The following UGT1A8 variants were observed in gnomAD, a reference collection of about 807,000 sequenced individuals.
The protein encoded by UGT1A8 is UDP-glucuronosyltransferase 1A8.
In UGT1A8, 39 loss-of-function variants were observed where a neutral mutation model predicts 45.3. The ratio of observed to expected loss-of-function variants is 0.86; its 90% confidence interval spans 0.67 to 1.12. The LOEUF is 1.12. UGT1A8 is among the 50% of genes most tolerant of loss of function. The pLI is 0.00. For missense variants in UGT1A8, 719 were observed against 664.9 expected, an observed-to-expected ratio of 1.08 and a Z score of -0.90; for synonymous variants, 275 against 249.2, an observed-to-expected ratio of 1.10 and a Z score of -0.97.
chr2:233,662,167 TGTAA>T (rs1246091516), intron 1 of UGT1A8, among the ~76,000 whole-genome samples: 1 of 152,210 alleles, frequency 6.6e-6, no homozygotes, highest in African/African-American at 2.4e-5. Context: ...ATGTATAGTC[TGTAA>T]GTGTTTGTGT....
At chr2:233,719,463 C>T (rs778257140) in intron 1 of UGT1A8, 5 of 1,613,980 alleles carry the variant, frequency 3.1e-6, no homozygotes, top group South Asian at 1.1e-5. Context: ...CAAGAACATG[C>T]TCTACCCTCT....
chr2:233,645,910 TG>T (rs1247050869), intron 1 of UGT1A8, among the ~76,000 whole-genome samples: 1 of 152,254 alleles, frequency 6.6e-6, no homozygotes, highest in South Asian at 2.1e-4. Context: ...TTGCTCTGTT[TG>T]GGGGCTTCAA....
At chr2:233,640,758 G>T (rs1390753063) in intron 1 of UGT1A8, among the ~76,000 whole-genome samples, 1 of 152,124 alleles carries the variant, frequency 6.6e-6, no homozygotes, top group African/African-American at 2.4e-5. Context: ...ACAATCTTAG[G>T]TAGGGCCAAC....
At chr2:233,648,756 A>T in intron 1 of UGT1A8, 1 of 684,374 alleles carries the variant, frequency 1.5e-6, no homozygotes, top group Non-Finnish European at 2.3e-6. Flanking sequence ...GAGCCACCAC[A>T]CCCAGCCTGG....
intron 1 of UGT1A8, among the ~76,000 whole-genome samples, chr2:233,766,262 CCCGGG>C (rs2126023646): frequency 2.9e-5 from 2 of 68,082 alleles, no homozygotes; most frequent in East Asian, 5.0e-4. Flanking sequence ...CGCTCAGTGG[CCCGGG>C]CTCGGTGGCC....
rs563709972 is a variant in UGT1A8, at chr2:233,755,474, T to C, written c.856-11560T>C. On this transcript the variant is annotated intron_variant, in intron 1 of 4. Coordinates refer to ENST00000373450, the MANE Select transcript of UGT1A8 (RefSeq NM_019076.5). ...GGACTGGCCCTGCTCTCTGTGAGGCTCTGTGAGGCCCTGTGATGCTCCAAG... is the reference window on the plus strand; with the variant it reads ...GGACTGGCCCTGCTCTCTGTGAGGCCCTGTGAGGCCCTGTGATGCTCCAAG... 5.5e-5 allele frequency: 13 copies of C among 237,114 alleles called. 1 individual carries two copies. The South Asian group carries it at 7.1e-4, about 13-fold the overall frequency. The allele number at this position is 237,114 out of a possible 1,614,324, so 14.7% of individuals were successfully genotyped here.
chr2:233,656,858 A>G (rs1300390908), intron 1 of UGT1A8, among the ~76,000 whole-genome samples: 2 of 151,870 alleles, frequency 1.3e-5, no homozygotes, highest in South Asian at 2.1e-4. Flanking sequence ...GTTCCTGGGC[A>G]TCCCTATTAA....
chr2:233,754,969 T>A, intron 1 of UGT1A8: 6 of 1,302,646 alleles, frequency 4.6e-6, no homozygotes, highest in Non-Finnish European at 6.2e-6. Context: ...AAGAACTCCC[T>A]GAAGACCTCG....
intron 1 of UGT1A8, among the ~76,000 whole-genome samples, chr2:233,630,619 G>A (rs1438308422): frequency 1.3e-5 from 2 of 152,112 alleles, no homozygotes; most frequent in African/African-American, 4.8e-5. Flanking sequence ...TTCTGGTGAG[G>A]CCTCAGGAAG....
chr2:233,747,408 A>C, intron 1 of UGT1A8: 1 of 1,607,228 alleles, frequency 6.2e-7, no homozygotes. Flanking sequence ...CCCAGAGGTG[A>C]ATATGCACAT....
At chr2:233,718,824 G>A in intron 1 of UGT1A8, 1 of 1,613,508 alleles carries the variant, frequency 6.2e-7, no homozygotes, top group Non-Finnish European at 8.5e-7. Flanking sequence ...TGCTGAGATG[G>A]CCAGAGGACT....
intron 1 of UGT1A8, among the ~76,000 whole-genome samples, chr2:233,633,790 T>A (rs2073231934): frequency 6.6e-6 from 1 of 152,192 alleles, no homozygotes; most frequent in Non-Finnish European, 1.5e-5. Flanking sequence ...TTGAAGGGTT[T>A]TTTGTGTCTC....
In UGT1A8 at chr2:233,743,838, C is replaced by A. The variant is rs749381543; in HGVS notation, c.856-23196C>A. 7.3e-6 allele frequency: 10 copies of A among 1,367,292 alleles called. No individual in the cohort carries two copies. In the South Asian group the frequency reaches 1.1e-4, roughly 16 times the overall value. 84.7% of individuals were successfully genotyped at this position (1,367,292 alleles called of 1,614,324 possible). On this transcript the variant is annotated intron_variant, in intron 1 of 4. Coordinates refer to ENST00000373450, the MANE Select transcript of UGT1A8 (RefSeq NM_019076.5). The stretch of plus-strand genomic sequence containing the variant: ...TTTTTGTCGGGGTGCCACTTGAGCG[C>A]CAGCTTGCGGTACGCCTTCTTGATG...
Position 233,741,236 on chromosome 2 carries a change from A to C in UGT1A8, c.856-25798A>C, listed in dbSNP as rs1691598221. ...AGTTGTTACAGACCCACTACCTCTG[A>C]GTGACACTGGTATGCCACTCTTTGC... On this transcript the variant is annotated intron_variant, in intron 1 of 4. Coordinates refer to ENST00000373450, the MANE Select transcript of UGT1A8 (RefSeq NM_019076.5). 1.3e-5 allele frequency among the ~76,000 whole-genome samples: 2 copies of C among 151,870 alleles called. 1 individual carries two copies. The highest frequency in any genetic ancestry group is 4.9e-5 in the African/African-American group (2 of 41,122).
At chr2:233,739,018 C>T (rs1339173846) in intron 1 of UGT1A8, 1 of 152,272 alleles carries the variant, frequency 6.6e-6, no homozygotes, top group Non-Finnish European at 1.5e-5. Flanking sequence ...TGGCTCCAGC[C>T]ATGGCTAAAA....
intron 1 of UGT1A8, chr2:233,729,861 G>A (rs760591415): frequency 6.8e-6 from 11 of 1,613,756 alleles, no homozygotes; most frequent in Non-Finnish European, 8.5e-7. Flanking sequence ...AGGTGTCAGT[G>A]GTGGATATTC....
intron 1 of UGT1A8, chr2:233,681,792 T>A: frequency 2.0e-6 from 3 of 1,465,540 alleles, no homozygotes; most frequent in Non-Finnish European, 1.8e-6. Context: ...TATGAGTAAA[T>A]CATTGGCAGT....
chr2:233,632,466 A>T (rs2073207447), intron 1 of UGT1A8, among the ~76,000 whole-genome samples: 1 of 152,206 alleles, frequency 6.6e-6, no homozygotes, highest in Non-Finnish European at 1.5e-5. Context: ...CCTATCCATG[A>T]GCATGGAATG....
At chr2:233,682,594 T>A in intron 1 of UGT1A8, 1 of 1,613,954 alleles carries the variant, frequency 6.2e-7, no homozygotes, top group African/African-American at 1.3e-5. Context: ...AACATTTATT[T>A]TGCCCCTATT....
Sources: gnomAD v4.1 joint callset for allele counts (sites outside exome capture counted in the v4.1 genomes callset) on GRCh38, gnomAD v4.1.1 for gene constraint, MANE v1.5 for transcripts, NCBI Gene and HGNC (gene_info 2026-07-23, HGNC 2026-07-21) for gene names.